COG5: variants seen among roughly 807,000 people sequenced by gnomAD.
The protein encoded by COG5 is component of oligomeric golgi complex 5.
A neutral mutation model predicts 110.4 loss-of-function variants in COG5; 86 were observed. The ratio of observed to expected loss-of-function variants is 0.78; its 90% confidence interval spans 0.65 to 0.93. COG5 has a LOEUF of 0.93. Among genes scored for constraint, COG5 ranks in the 40% least tolerant of loss-of-function variants. The pLI, the probability that COG5 is intolerant of heterozygous loss-of-function variation, is 0.00. For missense variants in COG5, 1,077 were observed against 987.0 expected (o/e 1.09, Z -1.22); for synonymous variants, 360 against 334.6 (o/e 1.08, Z -0.83).
At chr7:107,394,058 T>C (rs974695304) in intron 7 of COG5, among the ~76,000 whole-genome samples, 1 of 152,008 alleles carries the variant, frequency 6.6e-6, no homozygotes, top group Non-Finnish European at 1.5e-5. Context: ...ACCTCCCAGG[T>C]TCACGCCATT....
intron 7 of COG5, among the ~76,000 whole-genome samples, chr7:107,405,302 C>G (rs1488573664): frequency 6.6e-6 from 1 of 152,170 alleles, no homozygotes; most frequent in Non-Finnish European, 1.5e-5. Flanking sequence ...AGAACAGAGA[C>G]TGAACAATGG....
At chr7:107,370,759 T>C (rs1478783340) in intron 8 of COG5, among the ~76,000 whole-genome samples, 4 of 148,496 alleles carry the variant, frequency 2.7e-5, no homozygotes, top group Non-Finnish European at 5.9e-5. Context: ...GCATTCTAGC[T>C]TGGGTGACCA....
chr7:107,201,420 C>G lies in COG5; in HGVS notation c.*2096G>C. 6.3e-7 allele frequency: 1 copy of G among 1,575,082 alleles called. No homozygotes were observed. Among genetic ancestry groups the G allele is most frequent in the Non-Finnish European group, 8.7e-7 (1 of 1,145,690 alleles). Reference sequence around the variant, plus strand: ...TTTAATTTTATTTCCACAGGGCTCACAACAACATTAAACCAGGATGCTTAT... The same window carrying G: ...TTTAATTTTATTTCCACAGGGCTCAGAACAACATTAAACCAGGATGCTTAT... On this transcript the variant is annotated 3_prime_UTR_variant, in exon 22 of 22. Coordinates refer to ENST00000297135, the MANE Select transcript of COG5 (RefSeq NM_006348.5).
intron 11 of COG5, among the ~76,000 whole-genome samples, chr7:107,306,076 A>C (rs960913266): frequency 5.9e-5 from 9 of 152,308 alleles, no homozygotes; most frequent in African/African-American, 1.9e-4. Flanking sequence ...TCAAATACTA[A>C]GGGCCATACA....
chr7:107,294,709 CTT>C (rs1806454770), intron 12 of COG5, among the ~76,000 whole-genome samples: 1 of 125,244 alleles, frequency 8.0e-6, no homozygotes, highest in South Asian at 2.4e-4. Context: ...TCTTAATTTT[CTT>C]TCTTTTTTTT....
intron 10 of COG5, among the ~76,000 whole-genome samples, chr7:107,340,081 A>G (rs1424490406): frequency 6.6e-6 from 1 of 152,136 alleles, no homozygotes; most frequent in Non-Finnish European, 1.5e-5. Context: ...TAATAAAACC[A>G]AAAATTGGTT....
intron 10 of COG5, among the ~76,000 whole-genome samples, chr7:107,335,653 C>T (rs941229738): frequency 1.3e-5 from 2 of 151,992 alleles, no homozygotes; most frequent in Non-Finnish European, 1.5e-5. Context: ...TTCAATTGTA[C>T]AATTATAATA....
At chr7:107,390,775 C>T (rs193114919) in intron 7 of COG5, among the ~76,000 whole-genome samples, 99 of 148,946 alleles carry the variant, frequency 6.6e-4, no homozygotes, top group Admixed American at 1.3e-3. Flanking sequence ...ATAAGAGCAA[C>T]GATCGCCACA....
At chr7:107,235,222 G>A (rs1001261103) in intron 18 of COG5, among the ~76,000 whole-genome samples, 1 of 152,204 alleles carries the variant, frequency 6.6e-6, no homozygotes, top group African/African-American at 2.4e-5. Flanking sequence ...CTTGATACAA[G>A]CAGTCTGTCC....
intron 10 of COG5, among the ~76,000 whole-genome samples, chr7:107,333,227 A>T (rs1224839266): frequency 6.6e-6 from 1 of 152,214 alleles, no homozygotes; most frequent in Non-Finnish European, 1.5e-5. Context: ...CTGGATTCAA[A>T]GCAGAGGGAT....
chr7:107,449,135 T>G (rs1410389740), intron 6 of COG5, among the ~76,000 whole-genome samples: 1 of 150,892 alleles, frequency 6.6e-6, no homozygotes. Flanking sequence ...TAAGAACACA[T>G]GGACACAGGG....
intron 6 of COG5, among the ~76,000 whole-genome samples, chr7:107,484,077 T>G (rs1307454516): frequency 6.6e-6 from 1 of 152,040 alleles, no homozygotes; most frequent in East Asian, 1.9e-4. Flanking sequence ...TAAAATAACT[T>G]TAGCATTTTA....
At chr7:107,279,781 A>C (rs975829900) in intron 14 of COG5, among the ~76,000 whole-genome samples, 6 of 152,198 alleles carry the variant, frequency 3.9e-5, no homozygotes, top group Non-Finnish European at 5.9e-5. Flanking sequence ...ATTAAAAACC[A>C]AAAAATGACA....
At chr7:107,326,142 G>A (rs1040583149) in intron 10 of COG5, among the ~76,000 whole-genome samples, 4 of 152,022 alleles carry the variant, frequency 2.6e-5, no homozygotes, top group African/African-American at 4.8e-5. Flanking sequence ...ACTAGGACTC[G>A]AAGGAAATTA....
chr7:107,548,038 T>A, intron 5 of COG5, 73 bp downstream of exon 5: 1 of 1,243,264 alleles, frequency 8.0e-7, no homozygotes, highest in Non-Finnish European at 1.2e-6. Context: ...TCCAAACTCA[T>A]ACTCTTAAAT....
chr7:107,534,507 G>T (rs1801439394), intron 5 of COG5, among the ~76,000 whole-genome samples: 1 of 149,442 alleles, frequency 6.7e-6, no homozygotes, highest in South Asian at 2.1e-4. Context: ...AAAAAAAAGT[G>T]GGGGTTGCAA....
At chr7:107,210,630 G>A (rs748503239) in intron 20 of COG5, 25 bp from the exon 21 acceptor site, 4 of 1,580,186 alleles carry the variant, frequency 2.5e-6, no homozygotes, top group East Asian at 2.3e-5. Flanking sequence ...CACAATTAGA[G>A]AGAGTGCATA....
At chr7:107,509,722 GA>G (rs200136081) in intron 6 of COG5, among the ~76,000 whole-genome samples, 40,377 of 152,036 alleles carry the variant, frequency 0.27, 5,477 homozygotes, top group East Asian at 0.33. Flanking sequence ...CTACAAGCCA[GA>G]AGAGAGTGGG....
intron 11 of COG5, among the ~76,000 whole-genome samples, chr7:107,304,607 C>A (rs1391425544): frequency 6.6e-6 from 1 of 152,178 alleles, no homozygotes; most frequent in Non-Finnish European, 1.5e-5. Flanking sequence ...CAGGACAGCT[C>A]TAATGTATTC....
Sources: gnomAD v4.1 joint callset for allele counts (sites outside exome capture counted in the v4.1 genomes callset) on GRCh38, gnomAD v4.1.1 for gene constraint, MANE v1.5 for transcripts, NCBI Gene and HGNC (gene_info 2026-07-23, HGNC 2026-07-21) for gene names.